Variants in KCTD3 observed in about 807,000 individuals in gnomAD.
KCTD3 encodes the protein BTB/POZ domain-containing protein KCTD3.
Under a neutral mutation model 85.8 loss-of-function variants are expected in KCTD3, and 41 were observed. The observed-to-expected ratio is 0.48, with a 90% CI of 0.37 to 0.62. KCTD3 has a LOEUF of 0.62. Among genes scored for constraint, KCTD3 ranks in the 20% least tolerant of loss-of-function variants. The pLI is 0.00. For synonymous variants in KCTD3, 338 were observed against 345.4 expected, an observed-to-expected ratio of 0.98 and a Z score of 0.24; for missense variants, 724 against 989.9, an observed-to-expected ratio of 0.73 and a Z score of 3.60.
intron 3 of KCTD3, among the ~76,000 whole-genome samples, chr1:215,575,116 G>A (rs1210578340): frequency 6.6e-6 from 1 of 152,092 alleles, no homozygotes; most frequent in Non-Finnish European, 1.5e-5. Flanking sequence ...ACCCGGCATA[G>A]TGGCAGGTGC....
chr1:215,581,079 C>T, intron 8 of KCTD3: 2 of 360,472 alleles, frequency 5.5e-6, no homozygotes, highest in Non-Finnish European at 1.1e-5. Flanking sequence ...AACCCCATCT[C>T]TACTGAAGAT....
intron 13 of KCTD3, among the ~76,000 whole-genome samples, chr1:215,607,154 C>T (rs1197550459): frequency 6.6e-6 from 1 of 151,708 alleles, no homozygotes; most frequent in Admixed American, 6.6e-5. Flanking sequence ...CACATTTTTA[C>T]CCAGTAGTAA....
chr1:215,601,972 T>G lies in KCTD3; in HGVS notation c.1021+18T>G. ...TTACATAGGTAAGTGTTCAGTCACT[T>G]AAAATGCTCCTGCTTAATGTAATTT... On this transcript the variant is annotated intron_variant, in intron 11 of 17. Coordinates refer to ENST00000259154, the MANE Select transcript of KCTD3 (RefSeq NM_016121.5). 6.7e-7 allele frequency: 1 copy of G among 1,501,186 alleles called. No individual in the cohort carries two copies. The highest frequency in any genetic ancestry group is 9.2e-7 in the Non-Finnish European group (1 of 1,082,172). The allele number at this position is 1,501,186 out of a possible 1,614,324, so 93.0% of individuals were successfully genotyped here. A position where few individuals can be genotyped will look rare whatever the true frequency, so the allele number is the denominator to read the frequency against.
At chr1:215,568,246 A>T (rs1045139466) in intron 1 of KCTD3, among the ~76,000 whole-genome samples, 1 of 151,598 alleles carries the variant, frequency 6.6e-6, no homozygotes, top group Non-Finnish European at 1.5e-5. Flanking sequence ...TAATTAGGGG[A>T]TTTGTAATTT....
rs773655923 is a variant in KCTD3, at chr1:215,575,890, C to CT, written c.184-5dup. ...TGTAATTTGAAAATAAAACTGTTCT[C>CT]TTTTTTACAGATATTTATTGATAGA... On this transcript the variant is annotated splice_polypyrimidine_tract_variant and intron_variant, in intron 3 of 17. Coordinates refer to ENST00000259154, the MANE Select transcript of KCTD3 (RefSeq NM_016121.5). 3 of 1,473,648 alleles carry CT rather than the reference C, an allele frequency of 2.0e-6. No individual in the cohort carries two copies. Among genetic ancestry groups the CT allele is most frequent in the South Asian group, 1.2e-5 (1 of 81,502 alleles). The allele number at this position is 1,473,648 out of a possible 1,614,324, so 91.3% of individuals were successfully genotyped here. A position where few individuals can be genotyped will look rare whatever the true frequency, so the allele number is the denominator to read the frequency against.
At chr1:215,579,811 T>G in intron 7 of KCTD3, 98 bp from the exon 8 acceptor site, 1 of 810,548 alleles carries the variant, frequency 1.2e-6, no homozygotes, top group Non-Finnish European at 2.1e-6. Flanking sequence ...AACAAAACTA[T>G]TAACCAAAAC....
intron 15 of KCTD3, among the ~76,000 whole-genome samples, chr1:215,615,489 G>T (rs1378192771): frequency 1.3e-5 from 2 of 151,742 alleles, no homozygotes; most frequent in African/African-American, 2.4e-5. Context: ...GCGTGGTGGC[G>T]GGTGCCTGTA....
intron 9 of KCTD3, among the ~76,000 whole-genome samples, chr1:215,588,584 T>C (rs1660104637): frequency 6.6e-6 from 1 of 152,060 alleles, no homozygotes; most frequent in African/African-American, 2.4e-5. Context: ...TCAGTGTAAA[T>C]GTCAACACAG....
chr1:215,571,766 G>T (rs1055006696), intron 1 of KCTD3, among the ~76,000 whole-genome samples: 3 of 151,950 alleles, frequency 2.0e-5, no homozygotes, highest in African/African-American at 7.3e-5. Flanking sequence ...GAGTAAGCTG[G>T]GACTACAGGT....
In KCTD3 at chr1:215,621,197, T is replaced by C. The variant is rs1655675028; in HGVS notation, c.*579T>C. The C allele has an allele frequency of 6.6e-6, 1 of 152,668 alleles. No homozygotes were observed. The highest frequency in any genetic ancestry group is 2.4e-5 in the African/African-American group (1 of 41,468). 9.5% of individuals were successfully genotyped at this position (152,668 alleles called of 1,614,324 possible). Reference sequence around the variant, plus strand: ...TAAGTCTTTTAGGATGATTTTAATTTAGTCGTGCGTCATTTTCTGATTCTC... The same window carrying C: ...TAAGTCTTTTAGGATGATTTTAATTCAGTCGTGCGTCATTTTCTGATTCTC... On this transcript the variant is annotated 3_prime_UTR_variant, in exon 18 of 18. Coordinates refer to ENST00000259154, the MANE Select transcript of KCTD3 (RefSeq NM_016121.5).
chr1:215,620,502 A>G lies in KCTD3; in HGVS notation c.2332A>G (p.Ser778Gly), dbSNP rs1268147817. The G allele has an allele frequency of 3.7e-6, 6 of 1,613,696 alleles. No homozygotes were observed. Among genetic ancestry groups the G allele is most frequent in the African/African-American group, 1.3e-5 (1 of 75,046 alleles). The change falls in exon 18 of 18, where the codon AGT becomes GGT. Residue 778 changes from serine (S) to glycine (G), a missense_variant. This residue lies in a region of KCTD3 where 222 missense variants were observed against 217.7 expected (regional missense o/e 1.02). Transcript: ENST00000259154. ...AGTTCCCTATCTGGCGTCATCACCA[A>G]GTACTTCCGATGGAGGAACTGACTC... ...KKVPYLASSP[S>G]TSDGGTDSPG...
chr1:215,578,201 AT>A (rs1449759189), intron 6 of KCTD3, 120 bp downstream of exon 6: 9 of 807,990 alleles, frequency 1.1e-5, no homozygotes, highest in Non-Finnish European at 1.2e-5. Context: ...TCTATTAGAA[AT>A]GGTAAGAACT....
chr1:215,611,072 AT>A (rs1379622305), intron 14 of KCTD3, among the ~76,000 whole-genome samples: 2 of 152,026 alleles, frequency 1.3e-5, no homozygotes, highest in Non-Finnish European at 2.9e-5. Context: ...AATTATTAAA[AT>A]TTTATGTTTA....
chr1:215,611,894 T>A lies in KCTD3; in HGVS notation c.1535T>A (p.Phe512Tyr). ...QKVVPITNKL[F>Y]VRLSSTGKRI... ...GTTGTTCCCATCACCAACAAACTATTTGTAAGACTCTCATCGACTGGAAAA... is the reference window on the plus strand; with the variant it reads ...GTTGTTCCCATCACCAACAAACTATATGTAAGACTCTCATCGACTGGAAAA... The change falls in exon 15 of 18, where the codon TTT becomes TAT. Residue 512 changes from phenylalanine (F) to tyrosine (Y), a missense_variant. Around this residue, in one of 6 missense-constraint regions of KCTD3, gnomAD observed 136 missense variants for 197.6 expected, o/e 0.69. Coordinates refer to ENST00000259154, the MANE Select transcript of KCTD3 (RefSeq NM_016121.5). The A allele has an allele frequency of 6.2e-7, 1 of 1,606,958 alleles. No homozygotes were observed. Among genetic ancestry groups the A allele is most frequent in the Non-Finnish European group, 8.5e-7 (1 of 1,174,642 alleles).
At position 215,604,297 on chromosome 1, in the gene KCTD3, T is replaced by C; in HGVS notation, c.1304T>C (p.Val435Ala). 6.2e-7 allele frequency: 1 copy of C among 1,612,648 alleles called. No homozygotes were observed. The highest frequency in any genetic ancestry group is 8.5e-7 in the Non-Finnish European group (1 of 1,178,854). Residue 435 changes from valine to alanine, a missense_variant, in exon 13 of 18, where the codon GTA (valine) becomes GCA (alanine). By Grantham distance (64) the Val-to-Ala change is moderately conservative. Coordinates refer to ENST00000259154, the MANE Select transcript of KCTD3 (RefSeq NM_016121.5). The stretch of plus-strand genomic sequence containing the variant: ...ATCATGCTATCAGAGAAGCATCTTG[T>C]ATCAGGTAAAATGATTTCATTATAC... ...TKIMLSEKHLVSVCADNNHVR... is the reference protein window; with the variant it reads ...TKIMLSEKHLASVCADNNHVR...
rs553601609 is a variant in KCTD3, at chr1:215,589,754, T to C, written c.817+3069T>C. On this transcript the variant is annotated intron_variant, in intron 9 of 17. Coordinates refer to ENST00000259154, the MANE Select transcript of KCTD3 (RefSeq NM_016121.5). The stretch of plus-strand genomic sequence containing the variant: ...TAATGCTTTTGAAATTCATCCATGT[T>C]GTTGCATGTATCAGTTGTCTGTTCC... 3.3e-5 allele frequency among the ~76,000 whole-genome samples: 5 copies of C among 152,352 alleles called. No individual in the cohort carries two copies. The East Asian group carries it at 9.6e-4, about 29-fold the overall frequency.
At chr1:215,613,417 A>G (rs1003449655) in intron 15 of KCTD3, among the ~76,000 whole-genome samples, 17 of 152,120 alleles carry the variant, frequency 1.1e-4, no homozygotes, top group Admixed American at 7.9e-4. Context: ...TCAGATGCTT[A>G]GTTTGCAGAT....
intron 8 of KCTD3, 85 bp from the exon 9 acceptor site, chr1:215,586,410 G>GT: frequency 9.2e-7 from 1 of 1,086,100 alleles, no homozygotes; most frequent in Non-Finnish European, 1.3e-6. Context: ...TTTTGTTGTT[G>GT]TTTTTTGTTT....
intron 1 of KCTD3, among the ~76,000 whole-genome samples, chr1:215,568,035 A>G (rs976823146): frequency 3.3e-5 from 5 of 152,136 alleles, no homozygotes; most frequent in African/African-American, 4.8e-5. Context: ...TAGAATGCCA[A>G]CCTTTGCCCC....
Sources: gnomAD v4.1 joint callset for allele counts (sites outside exome capture counted in the v4.1 genomes callset) on GRCh38, gnomAD v4.1.1 for gene constraint, gnomAD v4.1.1 regional missense constraint, MANE v1.5 for transcripts, NCBI Gene and HGNC (gene_info 2026-07-23, HGNC 2026-07-21) for gene names.